The following ATG2B variants were observed in gnomAD, a reference collection of about 807,000 sequenced individuals.
ATG2B encodes autophagy related 2B.
In ATG2B, 121 loss-of-function variants were observed where a neutral mutation model predicts 241.3. The ratio of observed to expected loss-of-function variants is 0.50; its 90% confidence interval spans 0.43 to 0.58. The LOEUF (loss-of-function observed/expected upper bound fraction) is 0.58. Among genes scored for constraint, ATG2B ranks in the 20% least tolerant of loss-of-function variants. ATG2B has a pLI of 0.00. For missense variants in ATG2B, 2,306 were observed against 2,491.6 expected, an observed-to-expected ratio of 0.93 and a Z score of 1.59; for synonymous variants, 858 against 876.6, an observed-to-expected ratio of 0.98 and a Z score of 0.37.
chr14:96,309,414 A>G (rs1439770864), intron 29 of ATG2B, 39 bp downstream of exon 29: 5 of 1,570,950 alleles, frequency 3.2e-6, no homozygotes, highest in Non-Finnish European at 4.3e-6. Context: ...AAGCCCCAAC[A>G]TTAACATCAG....
chr14:96,360,933 CA>C (rs35630598), intron 1 of ATG2B, among the ~76,000 whole-genome samples: 13 of 73,710 alleles, frequency 1.8e-4, no homozygotes, highest in East Asian at 1.1e-3. Flanking sequence ...AATCCTCTAC[CA>C]AAAAAAAAAA....
chr14:96,323,789 A>C (rs1321303190), intron 16 of ATG2B, 107 bp downstream of exon 16: 2 of 764,164 alleles, frequency 2.6e-6, no homozygotes, highest in Non-Finnish European at 4.4e-6. Context: ...CAAAAGAATC[A>C]AGGATGGACA....
At chr14:96,356,741 T>C (rs1056516048) in intron 1 of ATG2B, among the ~76,000 whole-genome samples, 1 of 152,084 alleles carries the variant, frequency 6.6e-6, no homozygotes, top group Non-Finnish European at 1.5e-5. Context: ...AGCTCAAGTT[T>C]CTTGAATCTG....
intron 1 of ATG2B, among the ~76,000 whole-genome samples, chr14:96,350,445 T>C (rs1280379839): frequency 1.3e-5 from 2 of 152,172 alleles, no homozygotes. Flanking sequence ...AAGTCAAAGA[T>C]TTTTAAATGT....
At chr14:96,303,290 C>A (rs766144149) in intron 32 of ATG2B, 35 bp from the exon 33 acceptor site, 1 of 1,383,058 alleles carries the variant, frequency 7.2e-7, no homozygotes, top group Non-Finnish European at 9.6e-7. Context: ...CGGAACAGTT[C>A]TTTACATTCC....
chr14:96,351,915 A>AAG (rs397758178), intron 1 of ATG2B, among the ~76,000 whole-genome samples: 92 of 150,842 alleles, frequency 6.1e-4, no homozygotes, highest in African/African-American at 2.1e-3. Flanking sequence ...AAAAAAAAAA[A>AAG]GAAAAAAAAA....
chr14:96,285,648 C>T lies in ATG2B; in HGVS notation c.*107G>A. The T allele has an allele frequency of 9.6e-7, 1 of 1,042,284 alleles. No individual in the cohort carries two copies. Among genetic ancestry groups the T allele is most frequent in the Admixed American group, 2.4e-5 (1 of 41,528 alleles). The allele number at this position is 1,042,284 out of a possible 1,614,324, so 64.6% of individuals were successfully genotyped here. On this transcript the variant is annotated 3_prime_UTR_variant, in exon 42 of 42. Coordinates refer to ENST00000359933, the MANE Select transcript of ATG2B (RefSeq NM_018036.7). This position sits in a 1 kb window ranked among gnomAD's most constrained non-coding sequence, Gnocchi z 4.2. ...TATTTAACTAAAAAATGCTTTTGTTCCTGAGATGAGCACAATAAAATTAAA... is the reference window on the plus strand; with the variant it reads ...TATTTAACTAAAAAATGCTTTTGTTTCTGAGATGAGCACAATAAAATTAAA...
In ATG2B at chr14:96,280,441, C is replaced by A. The variant is rs2139825946; in HGVS notation, c.*5314G>T. The A allele has an allele frequency of 6.6e-6, 1 of 152,292 alleles. No individual in the cohort carries two copies. The highest frequency in any genetic ancestry group is 2.1e-4 in the South Asian group (1 of 4,824). 9.4% of individuals were successfully genotyped at this position (152,292 alleles called of 1,614,324 possible). The stretch of plus-strand genomic sequence containing the variant: ...TAAAAAGACAGTAGGATACTTGGCA[C>A]ACAGTAAGCATCTCACAATTGTCCC... On this transcript the variant is annotated 3_prime_UTR_variant, in exon 42 of 42. Coordinates refer to ENST00000359933, the MANE Select transcript of ATG2B (RefSeq NM_018036.7).
rs201013452 is a variant in ATG2B at position 96,347,324 on chromosome 14, C to T, written c.180G>A (p.Leu60=). 3.8e-6 allele frequency: 6 copies of T among 1,584,234 alleles called. No homozygotes were observed. The highest frequency in any genetic ancestry group is 5.2e-6 in the Non-Finnish European group (6 of 1,158,252). The change falls in exon 2 of 42, where the codon TTG becomes TTA. Residue 60 remains leucine (L), a synonymous_variant. Coordinates refer to ENST00000359933, the MANE Select transcript of ATG2B (RefSeq NM_018036.7). The stretch of plus-strand genomic sequence containing the variant: ...CTTCTAAGGGTGCATCTGCTGACTC[C>T]AAGATCTCATTGAGACACTAAGGAG... ...PLDKWCLNEI[L]ESADAPLEVT...
rs1375291020 is a variant in ATG2B, at chr14:96,306,911, A to G, written c.4309T>C (p.Leu1437=). ...SSVKPQANGV[L]DEKSQIQEPC... ...TCCTGAATTTGAGATTTTTCATCCA[A>G]AACACCTAGATAAAAAGATTACAAC... The change falls in exon 30 of 42, where the codon TTG becomes CTG. Residue 1437 remains leucine, a synonymous_variant. Coordinates refer to ENST00000359933, the MANE Select transcript of ATG2B (RefSeq NM_018036.7). 1 of 1,612,110 alleles carries G rather than the reference A, an allele frequency of 6.2e-7. No individual in the cohort carries two copies. Among genetic ancestry groups the G allele is most frequent in the Admixed American group, 1.7e-5 (1 of 59,756 alleles).
chr14:96,319,108 C>CT (rs1887393307), intron 18 of ATG2B, among the ~76,000 whole-genome samples: 1 of 152,232 alleles, frequency 6.6e-6, no homozygotes, highest in African/African-American at 2.4e-5. Flanking sequence ...GCCCTGCCCC[C>CT]TTCTGTGAGA....
intron 1 of ATG2B, among the ~76,000 whole-genome samples, chr14:96,349,239 A>G (rs1888250104): frequency 6.6e-6 from 1 of 152,244 alleles, no homozygotes; most frequent in Non-Finnish European, 1.5e-5. Context: ...TATTTGATAC[A>G]TCGCAGTATT....
chr14:96,340,148 A>AATATATATATCATATATG (rs142912408), intron 6 of ATG2B, among the ~76,000 whole-genome samples: 174 of 14,426 alleles, frequency 0.012, 12 homozygotes, highest in Non-Finnish European at 0.021. Flanking sequence ...GATATATATG[A>AATATATATATCATATATG]ATATATATAT....
At chr14:96,354,165 T>C (rs970247975) in intron 1 of ATG2B, among the ~76,000 whole-genome samples, 4 of 152,238 alleles carry the variant, frequency 2.6e-5, no homozygotes, top group Admixed American at 2.6e-4. Context: ...GGGATACATG[T>C]GTAGTACATC....
rs1566718113 is a variant in ATG2B, at chr14:96,304,614, GC to G, written c.4734-12del. 3.4e-5 allele frequency: 34 copies of G among 1,003,674 alleles called. No individual in the cohort carries two copies. The highest frequency in any genetic ancestry group is 1.5e-4 in the South Asian group (7 of 47,222). 62.2% of individuals were successfully genotyped at this position (1,003,674 alleles called of 1,614,324 possible). ...GAACTGTGGGGACTACTAAAAATGA[GC>G]AAAAAAAAAAAAAACCCTTTTGTTA... On this transcript the variant is annotated splice_polypyrimidine_tract_variant and intron_variant, in intron 31 of 41. Coordinates refer to ENST00000359933, the MANE Select transcript of ATG2B (RefSeq NM_018036.7).
intron 29 of ATG2B, among the ~76,000 whole-genome samples, chr14:96,308,282 A>ATATATATATATTTTTTTTTT (rs1566720002): frequency 2.7e-5 from 1 of 37,036 alleles, no homozygotes; most frequent in Non-Finnish European, 5.1e-5. Context: ...ATATATATAT[A>ATATATATATATTTTTTTTTT]TTTTTTTTTT....
intron 29 of ATG2B, among the ~76,000 whole-genome samples, chr14:96,307,910 A>G (rs1185755174): frequency 1.3e-5 from 2 of 151,898 alleles, no homozygotes; most frequent in African/African-American, 4.8e-5. Flanking sequence ...TTCTTTTCCC[A>G]TTCATTCATT....
chr14:96,322,560 C>T lies in ATG2B; in HGVS notation c.2716G>A (p.Val906Ile). Residue 906 changes from valine to isoleucine, a missense_variant, in exon 17 of 42, where the codon GTA becomes ATA. Coordinates refer to ENST00000359933, the MANE Select transcript of ATG2B (RefSeq NM_018036.7). ...TTTACCTGTTCATTTTCAAACATTACTCTACGAGAAGAAAAAGGAGATGGG... is the reference window on the plus strand; with the variant it reads ...TTTACCTGTTCATTTTCAAACATTATTCTACGAGAAGAAAAAGGAGATGGG... ...PAPSPFSSRR[V>I]MFENEQMVMP... The T allele has an allele frequency of 6.2e-7, 1 of 1,611,994 alleles. No individual in the cohort carries two copies. The highest frequency in any genetic ancestry group is 8.5e-7 in the Non-Finnish European group (1 of 1,179,416).
chr14:96,304,646 ATATTCAAAG>A, intron 31 of ATG2B, 43 bp from the exon 32 acceptor site: 1 of 1,423,482 alleles, frequency 7.0e-7, no homozygotes, highest in Non-Finnish European at 9.8e-7. Flanking sequence ...TGTTAAAGGA[ATATTCAAAG>A]AAAGTCAATG....
Sources: allele counts gnomAD v4.1 joint callset (sites outside exome capture counted in the v4.1 genomes callset), GRCh38; gene constraint gnomAD v4.1.1; non-coding constraint Gnocchi (gnomAD v3.1); transcripts MANE v1.5; gene names NCBI Gene and HGNC (gene_info 2026-07-23, HGNC 2026-07-21).